The following SMCHD1 variants were observed in gnomAD, a reference collection of about 807,000 sequenced individuals.
The protein encoded by SMCHD1 is structural maintenance of chromosomes flexible hinge domain-containing protein 1.
In SMCHD1, 78 loss-of-function variants were observed where a neutral mutation model predicts 254.7. The ratio of observed to expected loss-of-function variants is 0.31; its 90% confidence interval spans 0.26 to 0.37. SMCHD1 has a LOEUF of 0.37. SMCHD1 is among the 10% of genes least tolerant of loss of function. The pLI is 1.00. For synonymous variants in SMCHD1, 766 were observed against 794.9 expected (o/e 0.96, Z 0.61); for missense variants, 1,840 against 2,408.1 (o/e 0.76, Z 4.94).
intron 37 of SMCHD1, among the ~76,000 whole-genome samples, chr18:2,767,363 A>C (rs2075886506): frequency 6.6e-6 from 1 of 152,088 alleles, no homozygotes; most frequent in Non-Finnish European, 1.5e-5. Context: ...AATCAGGTTT[A>C]TTATCTGATT....
At chr18:2,740,136 A>C (rs2075322171) in intron 27 of SMCHD1, among the ~76,000 whole-genome samples, 1 of 151,544 alleles carries the variant, frequency 6.6e-6, no homozygotes, top group Admixed American at 6.6e-5. Flanking sequence ...CCCTGGGTCC[A>C]TGTGTTCTCA....
At position 2,796,243 on chromosome 18, in the gene SMCHD1, A is replaced by G. The variant is rs2076261652; in HGVS notation, c.5878+136A>G. Reference sequence around the variant, plus strand: ...CAAAAACTCTTAACCTCCAAGTCCTATCTGATAAATGGTTATAAACTATTC... The same window carrying G: ...CAAAAACTCTTAACCTCCAAGTCCTGTCTGATAAATGGTTATAAACTATTC... On this transcript the variant is annotated intron_variant, in intron 46 of 47. Coordinates refer to ENST00000320876, the MANE Select transcript of SMCHD1 (RefSeq NM_015295.3). 7 of 900,688 alleles carry G rather than the reference A, an allele frequency of 7.8e-6. No individual in the cohort carries two copies. The South Asian group carries it at 9.2e-5, about 12-fold the overall frequency. 55.8% of individuals were successfully genotyped at this position (900,688 alleles called of 1,614,324 possible). A position where few individuals can be genotyped will look rare whatever the true frequency, so the allele number is the denominator to read the frequency against.
chr18:2,720,476 T>C (rs928727507), intron 19 of SMCHD1, among the ~76,000 whole-genome samples: 1 of 152,196 alleles, frequency 6.6e-6, no homozygotes, highest in Admixed American at 6.5e-5. Context: ...TTATTAGATA[T>C]TCTGTTATAT....
chr18:2,694,671 C>T lies in SMCHD1; in HGVS notation c.1018C>T (p.His340Tyr), dbSNP rs761819169. The T allele has an allele frequency of 6.2e-7, 1 of 1,611,716 alleles. No individual in the cohort carries two copies. The highest frequency in any genetic ancestry group is 1.7e-5 in the Admixed American group (1 of 59,284). ...EHIQYLKNYF[H>Y]LWTRQLAHIY... is the part of the protein sequence containing the mutation. ...CATACAGTACTTGAAAAATTATTTC[C>T]ACCTTTGGACACGACAGTTAGCGTA... Residue 340 changes from histidine (H) to tyrosine (Y), a missense_variant, in exon 8 of 48, where the codon CAC becomes TAC. His to Tyr is a moderately conservative substitution (Grantham distance 83). Coordinates refer to ENST00000320876, the MANE Select transcript of SMCHD1 (RefSeq NM_015295.3).
Position 2,778,289 on chromosome 18 carries a change from A to G in SMCHD1, c.5547+50A>G, listed in dbSNP as rs764309111. 3.1e-5 allele frequency: 40 copies of G among 1,301,204 alleles called. No homozygotes were observed. In the African/African-American group the frequency reaches 5.0e-4, roughly 16 times the overall value. The allele number at this position is 1,301,204 out of a possible 1,614,324, so 80.6% of individuals were successfully genotyped here. ...TTTGTAGACTTCAGTTTTAATGTGTATCATGTCCATTTGATGATACATATA... is the reference window on the plus strand; with the variant it reads ...TTTGTAGACTTCAGTTTTAATGTGTGTCATGTCCATTTGATGATACATATA... On this transcript the variant is annotated intron_variant, in intron 44 of 47. Transcript: ENST00000320876.
intron 45 of SMCHD1, among the ~76,000 whole-genome samples, chr18:2,791,493 G>A (rs1293674556): frequency 2.0e-4 from 31 of 152,160 alleles, no homozygotes; most frequent in Admixed American, 1.8e-3. Context: ...GCTGTGAGCC[G>A]TGATTGAGCT....
At chr18:2,664,267 C>G (rs545778754) in intron 1 of SMCHD1, among the ~76,000 whole-genome samples, 1 of 152,222 alleles carries the variant, frequency 6.6e-6, no homozygotes, top group East Asian at 1.9e-4. Flanking sequence ...TCTAATGTCC[C>G]TGTCCATATT....
At chr18:2,659,997 T>A (rs2073198589) in intron 1 of SMCHD1, among the ~76,000 whole-genome samples, 1 of 152,198 alleles carries the variant, frequency 6.6e-6, no homozygotes, top group Non-Finnish European at 1.5e-5. Flanking sequence ...GTAATCATTT[T>A]ATGCACTGCA....
chr18:2,701,520 A>G (rs548811203), intron 12 of SMCHD1, among the ~76,000 whole-genome samples: 75 of 152,294 alleles, frequency 4.9e-4, no homozygotes, highest in African/African-American at 1.6e-3. Flanking sequence ...TAATGAGAAC[A>G]TGTATGAACA....
rs750081239 is a variant in SMCHD1, at chr18:2,770,096, A to G, written c.4954A>G (p.Asn1652Asp). 1 of 1,598,906 alleles carries G rather than the reference A, an allele frequency of 6.3e-7. No individual in the cohort carries two copies. The highest frequency in any genetic ancestry group is 1.2e-5 in the South Asian group (1 of 86,720). ...ATTTGAAGCCAGCCAACAGCTTCTT[A>G]ATGAAATGAAATGTAAGTCATTTTG... The part of the protein sequence containing the change: ...SLFEASQQLL[N>D]EMKCQVEEAR... The change falls in exon 39 of 48, where the codon AAT becomes GAT. Residue 1652 changes from asparagine (N) to aspartate (D), a missense_variant. Physicochemically the swap from Asn to Asp is conservative, Grantham distance 23. This residue lies in a region of SMCHD1 where 881 missense variants were observed against 1,009.5 expected (regional missense o/e 0.87). Coordinates refer to ENST00000320876, the MANE Select transcript of SMCHD1 (RefSeq NM_015295.3).
chr18:2,787,926 A>G (rs573997598), intron 45 of SMCHD1, among the ~76,000 whole-genome samples: 17 of 152,366 alleles, frequency 1.1e-4, no homozygotes, highest in East Asian at 9.6e-4. Flanking sequence ...GACAAAGTCA[A>G]AGATAACTCT....
At chr18:2,680,763 G>A (rs1167474290) in intron 5 of SMCHD1, among the ~76,000 whole-genome samples, 1 of 152,116 alleles carries the variant, frequency 6.6e-6, no homozygotes, top group East Asian at 1.9e-4. Flanking sequence ...TCAGATTCTT[G>A]TTTTCTCCAA....
At chr18:2,797,804 C>G (rs1402963298) in intron 47 of SMCHD1, among the ~76,000 whole-genome samples, 1 of 152,106 alleles carries the variant, frequency 6.6e-6, no homozygotes, top group Admixed American at 6.5e-5. Flanking sequence ...GTAATCCCAG[C>G]TACTCGGGAG....
At chr18:2,665,698 C>T (rs2073416744) in intron 1 of SMCHD1, among the ~76,000 whole-genome samples, 1 of 152,172 alleles carries the variant, frequency 6.6e-6, no homozygotes, top group Non-Finnish European at 1.5e-5. Flanking sequence ...CAAAGCATGG[C>T]TGTTCTTCCC....
chr18:2,668,664 C>G (rs1400181696), intron 3 of SMCHD1, among the ~76,000 whole-genome samples: 1 of 152,142 alleles, frequency 6.6e-6, no homozygotes, highest in Admixed American at 6.5e-5. Flanking sequence ...TAGCAAAACT[C>G]CTCCAGAGAG....
intron 35 of SMCHD1, among the ~76,000 whole-genome samples, chr18:2,760,996 A>G (rs1225304346): frequency 6.6e-6 from 1 of 152,264 alleles, no homozygotes; most frequent in African/African-American, 2.4e-5. Flanking sequence ...CTTTATATCA[A>G]AGACTCAGCA....
At chr18:2,675,620 G>C (rs1328053166) in intron 5 of SMCHD1, among the ~76,000 whole-genome samples, 2 of 152,076 alleles carry the variant, frequency 1.3e-5, no homozygotes, top group Non-Finnish European at 2.9e-5. Context: ...GCATTTAAAG[G>C]ATTTATAAAA....
intron 37 of SMCHD1, among the ~76,000 whole-genome samples, chr18:2,768,292 T>C (rs1423298043): frequency 1.3e-5 from 2 of 152,098 alleles, no homozygotes; most frequent in African/African-American, 4.8e-5. Context: ...AGGGAGATGT[T>C]AGTTAAAATA....
chr18:2,660,840 G>GAT (rs1242370206), intron 1 of SMCHD1, among the ~76,000 whole-genome samples: 78 of 152,236 alleles, frequency 5.1e-4, no homozygotes, highest in African/African-American at 1.7e-3. Flanking sequence ...GATTTTTGAT[G>GAT]TGGATTAAAA....
Sources: gnomAD v4.1 joint callset for allele counts (sites outside exome capture counted in the v4.1 genomes callset) on GRCh38, gnomAD v4.1.1 for gene constraint, gnomAD v4.1.1 regional missense constraint, MANE v1.5 for transcripts, NCBI Gene and HGNC (gene_info 2026-07-23, HGNC 2026-07-21) for gene names.